Variants in EPHA6 observed in about 807,000 individuals in gnomAD.
EPHA6 encodes ephrin type-A receptor 6.
A neutral mutation model predicts 112.0 loss-of-function variants in EPHA6; 50 were observed. That is an observed-to-expected ratio of 0.45 (90% CI 0.36 to 0.56). EPHA6 has a LOEUF of 0.56. Among genes scored for constraint, EPHA6 ranks in the 20% least tolerant of loss-of-function variants. EPHA6 has a pLI of 0.00. For missense variants in EPHA6, 1,280 were observed against 1,417.4 expected, an observed-to-expected ratio of 0.90 and a Z score of 1.56; for synonymous variants, 529 against 490.7, an observed-to-expected ratio of 1.08 and a Z score of -1.03.
At chr3:96,944,579 C>A (rs2041152018) in intron 2 of EPHA6, among the ~76,000 whole-genome samples, 1 of 152,198 alleles carries the variant, frequency 6.6e-6, no homozygotes, top group Non-Finnish European at 1.5e-5. Context: ...AACACCTTGG[C>A]CGTGCACAGT....
At position 97,693,515 on chromosome 3, in the gene EPHA6, A is replaced by T. The variant is rs111599754; in HGVS notation, c.2785-26746A>T. 3.4e-3 allele frequency among the ~76,000 whole-genome samples: 519 copies of T among 152,312 alleles called. 4 individuals carry two copies. Among genetic ancestry groups the T allele is most frequent in the African/African-American group, 0.012 (487 of 41,574 alleles). On this transcript the variant is annotated intron_variant, in intron 14 of 17. Transcript: ENST00000389672. ...ACATATGAACCTTGTATGTTTCACT[A>T]TCGAATTGGGATTTTGTGTGGAAGA...
At chr3:97,246,270 T>A (rs930032657) in intron 5 of EPHA6, among the ~76,000 whole-genome samples, 1 of 151,892 alleles carries the variant, frequency 6.6e-6, no homozygotes. Flanking sequence ...GGGAAAAAAA[T>A]TTAATTTCTG....
At chr3:96,935,976 T>A (rs2040561470) in intron 2 of EPHA6, among the ~76,000 whole-genome samples, 1 of 151,932 alleles carries the variant, frequency 6.6e-6, no homozygotes, top group African/African-American at 2.4e-5. Context: ...ACAAACCTCC[T>A]AAGGAAAATT....
At chr3:97,355,735 T>A (rs1010841843) in intron 5 of EPHA6, among the ~76,000 whole-genome samples, 1 of 152,164 alleles carries the variant, frequency 6.6e-6, no homozygotes, top group Non-Finnish European at 1.5e-5. Flanking sequence ...AGACACGGAT[T>A]GGCTGAATGA....
At chr3:97,307,073 A>G (rs9815585) in intron 5 of EPHA6, among the ~76,000 whole-genome samples, 34,134 of 151,762 alleles carry the variant, frequency 0.22, 9,024 homozygotes, top group African/African-American at 0.63. Flanking sequence ...TCTAGTAGCC[A>G]AGCTCATCTA....
chr3:97,407,415 C>T (rs896417837), intron 6 of EPHA6, among the ~76,000 whole-genome samples: 5 of 151,488 alleles, frequency 3.3e-5, no homozygotes, highest in Admixed American at 1.3e-4. Context: ...GTATTCTTAA[C>T]ATCATAATTA....
intron 12 of EPHA6, among the ~76,000 whole-genome samples, chr3:97,597,621 G>C (rs1307068736): frequency 6.6e-6 from 1 of 152,118 alleles, no homozygotes. Context: ...CTATAGCAAA[G>C]GACATACAGT....
intron 3 of EPHA6, among the ~76,000 whole-genome samples, chr3:97,028,952 A>T (rs2044731896): frequency 6.6e-6 from 1 of 151,612 alleles, no homozygotes; most frequent in Non-Finnish European, 1.5e-5. Context: ...TTTTCTTTTA[A>T]TCATTGGATA....
chr3:97,218,941 G>T (rs922142455), intron 3 of EPHA6, among the ~76,000 whole-genome samples: 2 of 151,918 alleles, frequency 1.3e-5, no homozygotes, highest in Non-Finnish European at 2.9e-5. Context: ...GGGAGAAATT[G>T]ACCAGAACAA....
At chr3:97,664,994 A>G (rs1451144476) in intron 14 of EPHA6, among the ~76,000 whole-genome samples, 2 of 152,242 alleles carry the variant, frequency 1.3e-5, no homozygotes, top group African/African-American at 4.8e-5. Flanking sequence ...GAACCAAAAA[A>G]GAGCCTGCAT....
At position 96,875,489 on chromosome 3, in the gene EPHA6, G is replaced by A. The variant is rs1049320989; in HGVS notation, c.450+8600G>A. Among the ~76,000 whole-genome samples, 14 of 152,106 alleles carry A rather than the reference G, an allele frequency of 9.2e-5. 1 individual carries two copies. Among genetic ancestry groups the A allele is most frequent in the Non-Finnish European group, 1.3e-4 (9 of 68,012 alleles). On this transcript the variant is annotated intron_variant, in intron 2 of 17. Transcript: ENST00000389672. Reference sequence around the variant, plus strand: ...GCCTCATTTTTCACTAGTTGAAAGAGCATGTTTTGTAGAATGATGAAATTC... The same window carrying A: ...GCCTCATTTTTCACTAGTTGAAAGAACATGTTTTGTAGAATGATGAAATTC...
chr3:97,250,888 G>A (rs936740843), intron 5 of EPHA6, among the ~76,000 whole-genome samples: 16 of 149,076 alleles, frequency 1.1e-4, no homozygotes, highest in African/African-American at 4.0e-4. Context: ...TCTTTTTTTA[G>A]ACAGAGTCTC....
At chr3:97,323,166 A>G (rs921769757) in intron 5 of EPHA6, among the ~76,000 whole-genome samples, 5 of 151,908 alleles carry the variant, frequency 3.3e-5, no homozygotes, top group Non-Finnish European at 7.4e-5. Context: ...GACAAGATAT[A>G]TGTTTCATAT....
At chr3:97,312,631 C>G (rs899997652) in intron 5 of EPHA6, among the ~76,000 whole-genome samples, 1 of 151,444 alleles carries the variant, frequency 6.6e-6, no homozygotes, top group Non-Finnish European at 1.5e-5. Flanking sequence ...ATATTTTATA[C>G]GTATCCTTTA....
intron 7 of EPHA6, among the ~76,000 whole-genome samples, chr3:97,473,089 G>A (rs2091273284): frequency 6.6e-6 from 1 of 151,648 alleles, no homozygotes; most frequent in African/African-American, 2.4e-5. Flanking sequence ...AGATGATAAT[G>A]TTGATGAGGT....
chr3:97,549,321 G>A (rs541786038), intron 11 of EPHA6, among the ~76,000 whole-genome samples: 2 of 152,118 alleles, frequency 1.3e-5, no homozygotes, highest in East Asian at 3.9e-4. Flanking sequence ...TGCTAATGTT[G>A]CCAGGAAGAG....
intron 3 of EPHA6, among the ~76,000 whole-genome samples, chr3:97,091,878 C>CA: frequency 6.6e-6 from 1 of 151,858 alleles, no homozygotes; most frequent in African/African-American, 2.4e-5. Context: ...GAGAAATACT[C>CA]AGGCTTCATG....
intron 1 of EPHA6, among the ~76,000 whole-genome samples, chr3:96,849,039 A>G (rs1445652473): frequency 6.6e-6 from 1 of 152,162 alleles, no homozygotes; most frequent in Admixed American, 6.6e-5. Context: ...TGCTTATCAA[A>G]AGTTAGAGCT....
intron 3 of EPHA6, among the ~76,000 whole-genome samples, chr3:97,142,426 G>T (rs555825679): frequency 6.6e-6 from 1 of 151,952 alleles, no homozygotes; most frequent in African/African-American, 2.4e-5. Context: ...TTGATAGACT[G>T]CTAGCTCAAT....
Sources: gnomAD v4.1 joint callset for allele counts (sites outside exome capture counted in the v4.1 genomes callset) on GRCh38, gnomAD v4.1.1 for gene constraint, MANE v1.5 for transcripts, NCBI Gene and HGNC (gene_info 2026-07-23, HGNC 2026-07-21) for gene names.